The following IHO1 variants were observed in gnomAD, a reference collection of about 807,000 sequenced individuals.
The protein encoded by IHO1 is interactor of HORMAD1 1, also known as interactor of HORMAD1 protein 1.
A neutral mutation model predicts 31.0 loss-of-function variants in IHO1; 13 were observed. That is an observed-to-expected ratio of 0.42 (90% CI 0.27 to 0.67). The LOEUF (loss-of-function observed/expected upper bound fraction) is 0.67, where lower values mean the gene tolerates loss of function less well. Among genes scored for constraint, IHO1 ranks in the 30% least tolerant of loss-of-function variants. The probability of loss-of-function intolerance (pLI) is 0.24; values close to 1 mark genes in which losing one functional copy is unlikely to be tolerated. For synonymous variants in IHO1, 221 were observed against 248.4 expected (o/e 0.89, Z 1.04); for missense variants, 599 against 687.5 (o/e 0.87, Z 1.44).
At chr3:49,201,380 G>A (rs908264613) in intron 1 of IHO1, among the ~76,000 whole-genome samples, 9 of 152,122 alleles carry the variant, frequency 5.9e-5, no homozygotes, top group East Asian at 2.0e-4. Flanking sequence ...GGCCAAGGCG[G>A]GTGGATCACC....
chr3:49,222,113 T>C (rs1367879776), intron 2 of IHO1, among the ~76,000 whole-genome samples: 1 of 152,198 alleles, frequency 6.6e-6, no homozygotes, highest in Non-Finnish European at 1.5e-5. Flanking sequence ...TTGCAAACTG[T>C]CTGAGAAATC....
At chr3:49,234,604 A>G (rs1253408308) in intron 2 of IHO1, among the ~76,000 whole-genome samples, 6 of 152,058 alleles carry the variant, frequency 3.9e-5, no homozygotes, top group Non-Finnish European at 7.4e-5. Flanking sequence ...GGTTGTTACA[A>G]TGATACCATC....
intron 4 of IHO1, 134 bp from the exon 5 acceptor site, chr3:49,244,270 A>C (rs541908290): frequency 1.6e-6 from 1 of 640,480 alleles, no homozygotes; most frequent in Non-Finnish European, 2.8e-6. Flanking sequence ...CTCAGGGTCA[A>C]GTCTTCAGAT....
intron 6 of IHO1, among the ~76,000 whole-genome samples, chr3:49,250,485 C>T (rs971579388): frequency 1.3e-4 from 20 of 152,170 alleles, no homozygotes; most frequent in African/African-American, 4.6e-4. Flanking sequence ...TTGCCTTTCT[C>T]ATGCTCTGCT....
Position 49,214,547 on chromosome 3 carries a change from CA to C in IHO1, c.56+2722del, listed in dbSNP as rs11433953. ...TAGAGCACTGTTTTTTTTAATTTCT[CA>C]AAAAAAAAAATGCTTACAGTTGATA... On this transcript the variant is annotated intron_variant, in intron 2 of 7. Coordinates refer to ENST00000452691, the MANE Select transcript of IHO1 (RefSeq NM_001135197.2). Among the ~76,000 whole-genome samples the C allele has an allele frequency of 2.1e-3, 235 of 113,932 alleles. 1 individual carries two copies. The highest frequency in any genetic ancestry group is 2.6e-3 in the Non-Finnish European group (154 of 58,448). The allele number at this position is 113,932 out of a possible 152,430, so 74.7% of individuals were successfully genotyped here.
rs192903125 is a variant in IHO1, at chr3:49,218,128, G to A, written c.56+6292G>A. On this transcript the variant is annotated intron_variant, in intron 2 of 7. Transcript: ENST00000452691. ...GCTGTCTTGGCTGCTTGAGCTGGCT[G>A]CCCCCATGAGCAGCTGCGCAGCTGG... Among the ~76,000 whole-genome samples the A allele has an allele frequency of 1.6e-3, 248 of 152,180 alleles. 1 individual carries two copies. The highest frequency in any genetic ancestry group is 5.4e-3 in the African/African-American group (223 of 41,538).
rs763426641 is a variant in IHO1, at chr3:49,256,865, C to G, written c.1368C>G (p.Leu456=). ...CCCACAGGGCCCACAGAGGCAGGCT[C>G]ATAGCCAGCAAGCAAAAACAAATCC... ...RKAHRAHRGR[L]IASKQKQIPI... is the part of the protein sequence containing the mutation. Residue 456 remains leucine (L), a synonymous_variant, in exon 8 of 8, where the codon CTC becomes CTG. Coordinates refer to ENST00000452691, the MANE Select transcript of IHO1 (RefSeq NM_001135197.2). This position sits in a 1 kb window ranked among gnomAD's most constrained non-coding sequence, Gnocchi z 4.6. 9 of 1,614,218 alleles carry G rather than the reference C, an allele frequency of 5.6e-6. No homozygotes were observed. In the Admixed American group the frequency reaches 1.5e-4, roughly 27 times the overall value.
chr3:49,211,333 G>A (rs1339395934), intron 1 of IHO1, among the ~76,000 whole-genome samples: 1 of 152,068 alleles, frequency 6.6e-6, no homozygotes, highest in Non-Finnish European at 1.5e-5. Flanking sequence ...TTTGATTTCT[G>A]TCATCAGAGT....
At chr3:49,232,425 G>C (rs2046494423) in intron 2 of IHO1, among the ~76,000 whole-genome samples, 1 of 152,198 alleles carries the variant, frequency 6.6e-6, no homozygotes, top group Admixed American at 6.5e-5. Flanking sequence ...CAGAACAACT[G>C]GTTTGGTGGA....
intron 2 of IHO1, among the ~76,000 whole-genome samples, chr3:49,224,871 G>T (rs1264945176): frequency 6.6e-6 from 1 of 152,120 alleles, no homozygotes; most frequent in African/African-American, 2.4e-5. Flanking sequence ...TATTTGAAGG[G>T]CCATTCCCTC....
chr3:49,210,695 G>A (rs1399125617), intron 1 of IHO1, among the ~76,000 whole-genome samples: 4 of 144,700 alleles, frequency 2.8e-5, no homozygotes, highest in Non-Finnish European at 4.5e-5. Flanking sequence ...CACTGCGCCC[G>A]GCTTTTTTTT....
upstream of IHO1, among the ~76,000 whole-genome samples, chr3:49,197,977 C>T (rs1273773732): frequency 6.6e-6 from 1 of 152,100 alleles, no homozygotes; most frequent in Non-Finnish European, 1.5e-5. Flanking sequence ...ACTCATTTGC[C>T]TCAGGCAATG....
Position 49,256,038 on chromosome 3 carries a change from G to A in IHO1, c.637-96G>A. On this transcript the variant is annotated intron_variant, in intron 7 of 7. Transcript: ENST00000452691. This position sits in a 1 kb window ranked among gnomAD's most constrained non-coding sequence, Gnocchi z 4.6. ...GGTTCCCTACAAGGAGCAAGCCTTG[G>A]TTCTGCTGTCACATCCATTGGTCTG... The A allele has an allele frequency of 9.2e-7, 1 of 1,091,348 alleles. No individual in the cohort carries two copies. The highest frequency in any genetic ancestry group is 1.5e-5 in the South Asian group (1 of 65,648). The allele number at this position is 1,091,348 out of a possible 1,614,324, so 67.6% of individuals were successfully genotyped here. A position where few individuals can be genotyped will look rare whatever the true frequency, so the allele number is the denominator to read the frequency against.
At chr3:49,218,554 G>A (rs992280589) in intron 2 of IHO1, among the ~76,000 whole-genome samples, 10 of 151,682 alleles carry the variant, frequency 6.6e-5, no homozygotes, top group Non-Finnish European at 1.2e-4. Context: ...GCTAATTTTT[G>A]TATTTTTAGT....
chr3:49,200,159 G>A (rs1447563202), intron 1 of IHO1, among the ~76,000 whole-genome samples: 2 of 152,076 alleles, frequency 1.3e-5, no homozygotes, highest in Non-Finnish European at 2.9e-5. Context: ...GCACCTGGAG[G>A]GCCTCACATC....
chr3:49,224,856 G>T (rs1046590184), intron 2 of IHO1, among the ~76,000 whole-genome samples: 17 of 152,098 alleles, frequency 1.1e-4, no homozygotes, highest in African/African-American at 4.1e-4. Flanking sequence ...GGCTACGCAT[G>T]TATGTATTTG....
intron 1 of IHO1, among the ~76,000 whole-genome samples, chr3:49,201,872 C>A (rs147579303): frequency 6.6e-6 from 1 of 152,120 alleles, no homozygotes; most frequent in Non-Finnish European, 1.5e-5. Context: ...GAGCCAAGAT[C>A]GCAACATTGC....
Position 49,255,400 on chromosome 3 carries a change from T to A in IHO1, c.543T>A (p.Thr181=). The change falls in exon 7 of 8, where the codon ACT becomes ACA. Residue 181 remains threonine (T), a synonymous_variant. Coordinates refer to ENST00000452691, the MANE Select transcript of IHO1 (RefSeq NM_001135197.2). ...CTGTTTTGTATTTAGTACAAGAGAC[T>A]ATACAGGCCCAGAATGACCTGGTGT... The part of the protein sequence containing the change: ...LETVAKTLQE[T]IQAQNDLVFE... 1 of 1,600,210 alleles carries A rather than the reference T, an allele frequency of 6.2e-7. No homozygotes were observed. The highest frequency in any genetic ancestry group is 8.5e-7 in the Non-Finnish European group (1 of 1,176,008).
At chr3:49,194,532 C>A (rs56364237), upstream of IHO1, among the ~76,000 whole-genome samples, 1 of 146,816 alleles carries the variant, frequency 6.8e-6, no homozygotes, top group Non-Finnish European at 1.5e-5. Flanking sequence ...ACCTCGTGAT[C>A]CACCCACCTC....
Sources: gnomAD v4.1 joint callset for allele counts (sites outside exome capture counted in the v4.1 genomes callset) on GRCh38, gnomAD v4.1.1 for gene constraint, Gnocchi (gnomAD v3.1) non-coding constraint, MANE v1.5 for transcripts, NCBI Gene and HGNC (gene_info 2026-07-23, HGNC 2026-07-21) for gene names.